Variants in TOPAZ1 observed in about 807,000 individuals in gnomAD.
TOPAZ1 encodes protein TOPAZ1.
TOPAZ1 carries 66 observed loss-of-function variants against 172.2 expected under a neutral mutation model. The observed-to-expected ratio is 0.38, with a 90% CI of 0.31 to 0.47. The LOEUF (loss-of-function observed/expected upper bound fraction) is 0.47, where lower values mean the gene tolerates loss of function less well. TOPAZ1 is among the 20% of genes least tolerant of loss of function. TOPAZ1 has a pLI of 0.99. For synonymous variants in TOPAZ1, 681 were observed against 683.9 expected (o/e 1.00, Z 0.07); for missense variants, 1,822 against 1,972.4 (o/e 0.92, Z 1.44).
chr3:44,250,178 G>T (rs1352636734), intron 2 of TOPAZ1, among the ~76,000 whole-genome samples: 1 of 136,862 alleles, frequency 7.3e-6, no homozygotes, highest in African/African-American at 2.7e-5. Flanking sequence ...CTTAATCCCA[G>T]TTTGTTCCCC....
chr3:44,324,175 G>T (rs1700572534), intron 18 of TOPAZ1, among the ~76,000 whole-genome samples: 1 of 152,112 alleles, frequency 6.6e-6, no homozygotes. Context: ...TTAATTATTT[G>T]ATAAAATTTT....
chr3:44,299,611 G>C (rs928063229), intron 12 of TOPAZ1, among the ~76,000 whole-genome samples: 9 of 152,148 alleles, frequency 5.9e-5, no homozygotes, highest in Non-Finnish European at 1.2e-4. Flanking sequence ...GGTATATACC[G>C]AAAGGACTAC....
At position 44,270,739 on chromosome 3, in the gene TOPAZ1, T is replaced by G; in HGVS notation, c.3301T>G (p.Phe1101Val). Residue 1101 changes from phenylalanine to valine, a missense_variant, in exon 8 of 20, where the codon TTT becomes GTT. Phe to Val is a conservative substitution (Grantham distance 50). Transcript: ENST00000309765. Reference protein sequence around the residue: ...MIPYKYCKFHFNTLRGCERPL... With the variant: ...MIPYKYCKFHVNTLRGCERPL... ...ACCCTATAAATATTGCAAATTTCATTTTAATACATTACGTGGCTGTGAGCG... is the reference window on the plus strand; with the variant it reads ...ACCCTATAAATATTGCAAATTTCATGTTAATACATTACGTGGCTGTGAGCG... 6.4e-7 allele frequency: 1 copy of G among 1,550,840 alleles called. No homozygotes were observed. The highest frequency in any genetic ancestry group is 8.7e-7 in the Non-Finnish European group (1 of 1,146,460).
intron 12 of TOPAZ1, among the ~76,000 whole-genome samples, chr3:44,293,057 T>A (rs1209290238): frequency 6.6e-6 from 1 of 152,178 alleles, no homozygotes; most frequent in Admixed American, 6.5e-5. Context: ...AAAATTATAA[T>A]GGAGCTGAAA....
At chr3:44,320,565 T>TC (rs1700497439) in intron 16 of TOPAZ1, among the ~76,000 whole-genome samples, 6 of 152,156 alleles carry the variant, frequency 3.9e-5, no homozygotes, top group Admixed American at 3.9e-4. Context: ...GCCACTGCAC[T>TC]GCACTCCAGC....
intron 12 of TOPAZ1, 44 bp downstream of exon 12, chr3:44,290,930 G>A: frequency 7.9e-7 from 1 of 1,266,520 alleles, no homozygotes; most frequent in Admixed American, 2.5e-5. Flanking sequence ...TATGTGTCTT[G>A]GTGGGGACTT....
intron 11 of TOPAZ1, among the ~76,000 whole-genome samples, chr3:44,288,469 G>A (rs4682963): frequency 0.48 from 72,536 of 151,850 alleles, 18,208 homozygotes; most frequent in East Asian, 0.81. Context: ...AGATCACAGG[G>A]TCAGGAGTTC....
rs1700368899 is a variant in TOPAZ1 at position 44,309,181 on chromosome 3, C to T, written c.4141-644C>T. On this transcript the variant is annotated intron_variant, in intron 15 of 19. Transcript: ENST00000309765. ...ATGATATATGTCCAATTTCTGATGT[C>T]CAAACCAAAGGTAATTTTCATGTAG... is the stretch of plus-strand genomic sequence containing the variant. 2.0e-5 allele frequency among the ~76,000 whole-genome samples: 3 copies of T among 152,296 alleles called. No homozygotes were observed. The East Asian group carries it at 5.8e-4, about 29-fold the overall frequency.
At chr3:44,262,002 A>G (rs900788788) in intron 4 of TOPAZ1, among the ~76,000 whole-genome samples, 1 of 152,184 alleles carries the variant, frequency 6.6e-6, no homozygotes, top group African/African-American at 2.4e-5. Context: ...CTACTTGTGA[A>G]ATGTAAGTAT....
intron 16 of TOPAZ1, among the ~76,000 whole-genome samples, chr3:44,311,184 C>A (rs1261936844): frequency 6.6e-6 from 1 of 151,914 alleles, no homozygotes; most frequent in Non-Finnish European, 1.5e-5. Flanking sequence ...TATAAAATAT[C>A]TTGTATATGT....
At chr3:44,296,839 G>C (rs1028410610) in intron 12 of TOPAZ1, among the ~76,000 whole-genome samples, 1 of 70,798 alleles carries the variant, frequency 1.4e-5, no homozygotes, top group Admixed American at 2.2e-4. Flanking sequence ...ACCAGACACA[G>C]AGAATACCAA....
intron 18 of TOPAZ1, among the ~76,000 whole-genome samples, chr3:44,327,103 T>C (rs1700608671): frequency 6.6e-6 from 1 of 152,172 alleles, no homozygotes; most frequent in African/African-American, 2.4e-5. Context: ...CCTGAGTGCT[T>C]ACCAAAAGCC....
At position 44,281,982 on chromosome 3, in the gene TOPAZ1, G is replaced by C. The variant is rs1700028457; in HGVS notation, c.3387G>C (p.Val1129=). The change falls in exon 9 of 20, where the codon GTG becomes GTC. Residue 1129 remains valine, a synonymous_variant. Transcript: ENST00000309765. ...GACTTTTGCAGGTTTGCATGGATGT[G>C]TTTAAGAAATATATAAATATCAATG... The part of the protein sequence containing the change: ...EQGDEKVCMD[V]FKKYININEL... The C allele has an allele frequency of 1.3e-6, 2 of 1,547,016 alleles. No homozygotes were observed. Among genetic ancestry groups the C allele is most frequent in the Non-Finnish European group, 1.7e-6 (2 of 1,144,670 alleles).
In TOPAZ1 at chr3:44,290,852, CAA is replaced by C; in HGVS notation, c.3764_3765del (p.Gln1255ArgfsTer18). ...TTTATACCAAGTACAAGCTTCCAAA[CAA>C]GAAATAACTGCAGTTCTGGAAATGA... The part of the protein sequence containing the change: ...KLLYQVQASK[Q>X]EITAVLEMKS... On this transcript the variant is annotated frameshift_variant, in exon 12 of 20. Transcript: ENST00000309765. LOFTEE classifies it high-confidence loss of function. The C allele has an allele frequency of 6.5e-7, 1 of 1,548,590 alleles. No individual in the cohort carries two copies. Among genetic ancestry groups the C allele is most frequent in the East Asian group, 2.5e-5 (1 of 40,760 alleles).
intron 16 of TOPAZ1, among the ~76,000 whole-genome samples, chr3:44,311,157 T>G (rs1426496935): frequency 1.3e-5 from 2 of 152,114 alleles, no homozygotes; most frequent in African/African-American, 4.8e-5. Context: ...GTGATTCATA[T>G]ATGGGAAATA....
rs1264601279 is a variant in TOPAZ1, at chr3:44,244,756, T to C, written c.2250T>C (p.Ser750=). The change falls in exon 2 of 20, where the codon AGT becomes AGC. Residue 750 remains serine, a synonymous_variant. Transcript: ENST00000309765. ...CTCAAACTTTGAGCATACGAAATAGTGTAACTCCAGTGCAAGCTAGTTCTG... is the reference window on the plus strand; with the variant it reads ...CTCAAACTTTGAGCATACGAAATAGCGTAACTCCAGTGCAAGCTAGTTCTG... The part of the protein sequence containing the change: ...LGPQTLSIRN[S]VTPVQASSDS... The C allele has an allele frequency of 3.2e-6, 5 of 1,551,544 alleles. No individual in the cohort carries two copies. Among genetic ancestry groups the C allele is most frequent in the Non-Finnish European group, 3.5e-6 (4 of 1,146,960 alleles).
At chr3:44,260,961 G>T (rs908485273) in intron 4 of TOPAZ1, among the ~76,000 whole-genome samples, 1 of 151,892 alleles carries the variant, frequency 6.6e-6, no homozygotes, top group Non-Finnish European at 1.5e-5. Flanking sequence ...AAAGTTTTAT[G>T]TGTAGATCTG....
At chr3:44,249,666 T>A (rs915680301) in intron 2 of TOPAZ1, among the ~76,000 whole-genome samples, 1 of 152,186 alleles carries the variant, frequency 6.6e-6, no homozygotes, top group African/African-American at 2.4e-5. Context: ...TTTACCTTCA[T>A]TTGCAAGTCC....
intron 4 of TOPAZ1, among the ~76,000 whole-genome samples, chr3:44,257,352 G>GGGGGGGGGGT (rs1264696203): frequency 9.1e-6 from 1 of 110,386 alleles, no homozygotes; most frequent in African/African-American, 3.9e-5. Context: ...AAAACATAGG[G>GGGGGGGGGGT]GTGTGTGTGT....
Sources: allele counts gnomAD v4.1 joint callset (sites outside exome capture counted in the v4.1 genomes callset), GRCh38; gene constraint gnomAD v4.1.1; transcripts MANE v1.5; gene names NCBI Gene and HGNC (gene_info 2026-07-23, HGNC 2026-07-21).